Variants in ATG4A observed in about 807,000 individuals in gnomAD.
ATG4A encodes the protein autophagy related 4A cysteine peptidase.
In ATG4A, 22 loss-of-function variants were observed where a neutral mutation model predicts 38.4. The observed-to-expected ratio is 0.57, with a 90% CI of 0.41 to 0.82. ATG4A has a LOEUF of 0.82. Among genes scored for constraint, ATG4A ranks in the 40% least tolerant of loss-of-function variants. The pLI is 0.00. For synonymous variants in ATG4A, 86 were observed against 100.7 expected (o/e 0.85, Z 0.88); for missense variants, 220 against 290.0 (o/e 0.76, Z 1.75).
intron 7 of ATG4A, 43 bp downstream of exon 7, chrX:108,137,213 A>G (rs781712105): frequency 9.5e-7 from 1 of 1,057,779 alleles, no homozygotes; most frequent in Admixed American, 2.3e-5. Flanking sequence ...ATGGGTGATG[A>G]GTTCCTCCCT....
chrX:108,115,372 A>C (rs2032478653), intron 1 of ATG4A, among the ~76,000 whole-genome samples: 1 of 111,451 alleles, frequency 9.0e-6, no homozygotes, highest in Non-Finnish European at 1.9e-5. Flanking sequence ...CCACACTGGA[A>C]AGTTATAGAC....
chrX:108,151,133 C>G (rs903852796), intron 10 of ATG4A, among the ~76,000 whole-genome samples: 2 of 111,865 alleles, frequency 1.8e-5, no homozygotes, highest in Admixed American at 1.9e-4. Flanking sequence ...TGGGTGCACA[C>G]AATCTAGGAA....
At chrX:108,146,985 C>T (rs896453662) in intron 9 of ATG4A, among the ~76,000 whole-genome samples, 15 of 111,856 alleles carry the variant, frequency 1.3e-4, no homozygotes, top group Non-Finnish European at 2.4e-4. Flanking sequence ...TATCCGTTCC[C>T]ATGCCTGTTC....
intron 1 of ATG4A, among the ~76,000 whole-genome samples, chrX:108,098,471 T>G (rs2031902007): frequency 9.0e-6 from 1 of 111,668 alleles, no homozygotes; most frequent in South Asian, 3.7e-4. Context: ...ATCATTGCAT[T>G]TTACATAATT....
intron 1 of ATG4A, among the ~76,000 whole-genome samples, chrX:108,098,391 T>G (rs2031899013): frequency 8.9e-6 from 1 of 112,016 alleles, no homozygotes; most frequent in Non-Finnish European, 1.9e-5. Context: ...TTATTATGAA[T>G]AAGAGACTCG....
At chrX:108,097,374 G>A (rs1423896322) in intron 1 of ATG4A, among the ~76,000 whole-genome samples, 5 of 112,071 alleles carry the variant, frequency 4.5e-5, no homozygotes, top group Non-Finnish European at 7.5e-5. Context: ...CTGTGATTTT[G>A]GTGAAATGAC....
intron 9 of ATG4A, among the ~76,000 whole-genome samples, chrX:108,140,752 T>C (rs1238477634): frequency 9.9e-6 from 1 of 100,577 alleles, no homozygotes; most frequent in African/African-American, 3.6e-5. Flanking sequence ...ATACATTGTA[T>C]ATATAAATGT....
intron 1 of ATG4A, among the ~76,000 whole-genome samples, chrX:108,102,782 A>AT (rs375570909): frequency 0.064 from 6,361 of 100,091 alleles, 407 homozygotes; most frequent in African/African-American, 0.19. Context: ...TACTAGCACC[A>AT]TTTTTTTTTT....
chrX:108,143,580 C>A (rs1353276633), intron 9 of ATG4A: 3 of 140,487 alleles, frequency 2.1e-5, no homozygotes, highest in Non-Finnish European at 4.2e-5. Flanking sequence ...CACTGTAACT[C>A]CCTTATTAGC....
chrX:108,108,576 ACTT>A (rs1234537589), intron 1 of ATG4A, among the ~76,000 whole-genome samples: 5 of 111,011 alleles, frequency 4.5e-5, no homozygotes, highest in Non-Finnish European at 9.4e-5. Flanking sequence ...TCACTGGTAT[ACTT>A]CTTTATTTTT....
upstream of ATG4A, among the ~76,000 whole-genome samples, chrX:108,090,869 A>G (rs1336555344): frequency 8.9e-6 from 1 of 112,793 alleles, no homozygotes; most frequent in Admixed American, 9.3e-5. Flanking sequence ...AACTTTTCCA[A>G]TTAACGACAG....
At chrX:108,124,343 T>G (rs2032739312) in intron 1 of ATG4A, among the ~76,000 whole-genome samples, 1 of 112,870 alleles carries the variant, frequency 8.9e-6, no homozygotes, top group South Asian at 3.7e-4. Flanking sequence ...TCTTAATAAT[T>G]AAAATATATT....
At chrX:108,095,668 G>C (rs1428803715) in intron 1 of ATG4A, among the ~76,000 whole-genome samples, 1 of 109,473 alleles carries the variant, frequency 9.1e-6, no homozygotes, top group Non-Finnish European at 1.9e-5. Context: ...AATGTTCGAG[G>C]GTTCAGATTT....
intron 1 of ATG4A, among the ~76,000 whole-genome samples, chrX:108,111,546 GA>G (rs939354341): frequency 1.8e-5 from 2 of 111,664 alleles, no homozygotes; most frequent in Non-Finnish European, 3.8e-5. Flanking sequence ...TTGCAATCAA[GA>G]AAGGGAGCAC....
chrX:108,091,158 T>C (rs1490990271), upstream of ATG4A, among the ~76,000 whole-genome samples: 2 of 113,433 alleles, frequency 1.8e-5, no homozygotes, highest in African/African-American at 3.2e-5. Context: ...AGAAATGCGG[T>C]AGACGTTCTA....
intron 9 of ATG4A, among the ~76,000 whole-genome samples, chrX:108,140,945 T>C (rs867587775): frequency 1.2e-5 from 1 of 85,740 alleles, no homozygotes; most frequent in Non-Finnish European, 2.2e-5. Context: ...TACATATATA[T>C]ACACATATAT....
chrX:108,141,721 GTGGT>G (rs1230579008), intron 9 of ATG4A, among the ~76,000 whole-genome samples: 1 of 111,950 alleles, frequency 8.9e-6, no homozygotes, highest in Admixed American at 9.4e-5. Flanking sequence ...GTCTCTGCAG[GTGGT>G]TGGTCAGCCT....
rs764637303 is a variant in ATG4A, at chrX:108,096,509, G to A, written c.10+4673G>A. Among the ~76,000 whole-genome samples the A allele has an allele frequency of 2.7e-5, 3 of 112,094 alleles. No individual in the cohort carries two copies. In the South Asian group the frequency reaches 1.1e-3, roughly 41 times the overall value. ...ATCCCTGTGTTGTGGTATTCACAAA[G>A]TATTGGGTATAGTGACCTTTCACCA... On this transcript the variant is annotated intron_variant, in intron 1 of 12. Coordinates refer to ENST00000372232, the MANE Select transcript of ATG4A (RefSeq NM_052936.5).
At chrX:108,106,720 T>A (rs1444380869) in intron 1 of ATG4A, among the ~76,000 whole-genome samples, 3 of 112,406 alleles carry the variant, frequency 2.7e-5, no homozygotes, top group Non-Finnish European at 5.6e-5. Context: ...CATTTCCCTT[T>A]GGACTCCATG....
Sources: gnomAD v4.1 joint callset for allele counts (sites outside exome capture counted in the v4.1 genomes callset) on GRCh38, gnomAD v4.1.1 for gene constraint, MANE v1.5 for transcripts, NCBI Gene and HGNC (gene_info 2026-07-23, HGNC 2026-07-21) for gene names.